The following RC3H2 variants were observed in gnomAD, a reference collection of about 807,000 sequenced individuals.
RC3H2 encodes roquin-2.
RC3H2 carries 31 observed loss-of-function variants against 133.3 expected under a neutral mutation model. The ratio of observed to expected loss-of-function variants is 0.23; its 90% CI spans 0.17 to 0.31. The LOEUF (loss-of-function observed/expected upper bound fraction) is 0.31, where lower values mean the gene tolerates loss of function less well. Ranked by LOEUF, RC3H2 falls within the 10% of genes least tolerant of loss-of-function variation. The probability of loss-of-function intolerance (pLI) is 1.00; values close to 1 mark genes in which losing one functional copy is unlikely to be tolerated. For synonymous variants in RC3H2, 517 were observed against 502.2 expected (o/e 1.03, Z -0.40); for missense variants, 1,175 against 1,437.2 (o/e 0.82, Z 2.95).
chr9:122,896,770 C>T (rs116954343), intron 2 of RC3H2, among the ~76,000 whole-genome samples: 2 of 151,902 alleles, frequency 1.3e-5, no homozygotes, highest in South Asian at 4.2e-4. Context: ...CACCTGTAGT[C>T]CTAGCACCCT....
chr9:122,852,405 T>TGG (rs1404726549), intron 18 of RC3H2, among the ~76,000 whole-genome samples: 1 of 132,040 alleles, frequency 7.6e-6, no homozygotes. Flanking sequence ...GGGAGGGAGG[T>TGG]GGGGGGGTCA....
intron 1 of RC3H2, among the ~76,000 whole-genome samples, chr9:122,902,425 T>C (rs1200275659): frequency 6.6e-6 from 1 of 152,196 alleles, no homozygotes; most frequent in African/African-American, 2.4e-5. Context: ...TTTTTATACA[T>C]CTACTTTTAT....
In RC3H2 at chr9:122,849,720, A is replaced by G; in HGVS notation, c.3483T>C (p.Ser1161=). The G allele has an allele frequency of 1.9e-6, 3 of 1,611,660 alleles. No individual in the cohort carries two copies. Among genetic ancestry groups the G allele is most frequent in the Non-Finnish European group, 2.5e-6 (3 of 1,178,938 alleles). Residue 1161 remains serine, a synonymous_variant, in exon 21 of 21, where the codon AGT becomes AGC. Coordinates refer to ENST00000357244, the MANE Select transcript of RC3H2 (RefSeq NM_001100588.3). ...ASCLPITTSV[S]AGNLILKTHV... The stretch of plus-strand genomic sequence containing the variant: ...GAGTTTTCAGAATGAGGTTGCCAGC[A>G]CTGACAGATGTGGTGATGGGGAGGC...
intron 4 of RC3H2, among the ~76,000 whole-genome samples, chr9:122,885,100 T>C (rs184269810): frequency 1.1e-4 from 16 of 152,244 alleles, no homozygotes; most frequent in Non-Finnish European, 2.4e-4. Flanking sequence ...TAGTACTGTA[T>C]TGTATCATTA....
chr9:122,852,945 G>C (rs1011409058), intron 18 of RC3H2, among the ~76,000 whole-genome samples: 22 of 152,348 alleles, frequency 1.4e-4, no homozygotes, highest in Middle Eastern at 3.4e-3. Context: ...AGAAAGGGGG[G>C]AAAGGTGGGG....
At chr9:122,896,364 C>A (rs941484215) in intron 2 of RC3H2, among the ~76,000 whole-genome samples, 5 of 151,966 alleles carry the variant, frequency 3.3e-5, no homozygotes, top group South Asian at 2.1e-4. Context: ...ACAACAACAA[C>A]AAAAAAACCT....
At chr9:122,851,708 G>A (rs866130397) in intron 18 of RC3H2, 19 of 383,742 alleles carry the variant, frequency 5.0e-5, no homozygotes, top group African/African-American at 1.5e-4. Flanking sequence ...TGTGATGGCC[G>A]GGCTGGTCTC....
chr9:122,894,640 G>A (rs1230264482), intron 2 of RC3H2, among the ~76,000 whole-genome samples: 1 of 152,204 alleles, frequency 6.6e-6, no homozygotes, highest in African/African-American at 2.4e-5. Context: ...AGCACTTTGG[G>A]AGGCCAAGGT....
At position 122,859,080 on chromosome 9, in the gene RC3H2, C is replaced by G; in HGVS notation, c.1872G>C (p.Thr624=). The G allele has an allele frequency of 1.3e-6, 2 of 1,583,144 alleles. No homozygotes were observed. The highest frequency in any genetic ancestry group is 1.7e-6 in the Non-Finnish European group (2 of 1,161,960). ...CACAGGGAGCCACACCAGCTGGTACCGTTGGAGGTGGTGGATAGTATCCTT... is the reference window on the plus strand; with the variant it reads ...CACAGGGAGCCACACCAGCTGGTACGGTTGGAGGTGGTGGATAGTATCCTT... ...PQTGYYPPPP[T]VPAGVAPCVP... Residue 624 remains threonine (T), a synonymous_variant, in exon 12 of 21, where the codon ACG becomes ACC. Coordinates refer to ENST00000357244, the MANE Select transcript of RC3H2 (RefSeq NM_001100588.3).
chr9:122,852,295 G>A (rs1445140429), intron 18 of RC3H2, among the ~76,000 whole-genome samples: 4 of 150,100 alleles, frequency 2.7e-5, no homozygotes, highest in South Asian at 4.2e-4. Flanking sequence ...GAGCCTCTCC[G>A]CCCGGCAGCC....
intron 8 of RC3H2, among the ~76,000 whole-genome samples, chr9:122,878,398 G>A (rs560129598): frequency 8.2e-4 from 125 of 151,916 alleles, no homozygotes; most frequent in African/African-American, 2.8e-3. Context: ...GAGCTCCCAA[G>A]TAGCTGGGAC....
intron 18 of RC3H2, among the ~76,000 whole-genome samples, chr9:122,852,549 C>G (rs1352065624): frequency 2.2e-4 from 32 of 143,442 alleles, no homozygotes; most frequent in African/African-American, 8.0e-4. Flanking sequence ...GTCAGCCCCC[C>G]GCCCGGCCAG....
chr9:122,850,956 T>G (rs1052939926), intron 20 of RC3H2, 125 bp downstream of exon 20: 7 of 1,017,984 alleles, frequency 6.9e-6, no homozygotes, highest in African/African-American at 1.6e-5. Flanking sequence ...AAAATCCAGA[T>G]TGACCAAATC....
In RC3H2 at chr9:122,880,574, G is replaced by C; in HGVS notation, c.960+20C>G. On this transcript the variant is annotated intron_variant, in intron 6 of 20. Coordinates refer to ENST00000357244, the MANE Select transcript of RC3H2 (RefSeq NM_001100588.3). ...ATGTAACAGCAATGATAGAACATCA[G>C]CATCTCTAATTTCACAAACCTTATC... is the stretch of plus-strand genomic sequence containing the variant. The C allele has an allele frequency of 6.4e-7, 1 of 1,567,866 alleles. No homozygotes were observed. Among genetic ancestry groups the C allele is most frequent in the South Asian group, 1.1e-5 (1 of 90,050 alleles).
Position 122,858,870 on chromosome 9 carries a change from C to T in RC3H2, c.2082G>A (p.Val694=). 6.2e-7 allele frequency: 1 copy of T among 1,614,276 alleles called. No homozygotes were observed. Among genetic ancestry groups the T allele is most frequent in the Non-Finnish European group, 8.5e-7 (1 of 1,180,048 alleles). Residue 694 remains valine, a synonymous_variant, in exon 12 of 21, where the codon GTG becomes GTA. Transcript: ENST00000357244. The part of the protein sequence containing the change: ...PPVPSGMYAP[V]YDSRRIWRPP... ...GGCGCCAGATGCGCCTGCTGTCGTA[C>T]ACAGGAGCATACATTCCAGAAGGTA...
rs72753245 is a variant in RC3H2, at chr9:122,899,030, A to G, written c.-67-1454T>C. Among the ~76,000 whole-genome samples, 338 of 151,858 alleles carry G rather than the reference A, an allele frequency of 2.2e-3. 1 individual carries two copies. Among genetic ancestry groups the G allele is most frequent in the Non-Finnish European group, 3.6e-3 (242 of 67,956 alleles). On this transcript the variant is annotated intron_variant, in intron 1 of 20. Transcript: ENST00000357244. ...AGTCACATTCAAAGAGAAAAAATAT[A>G]TAACAGAAAGTATTCTCAATTATGC...
chr9:122,856,540 C>A lies in RC3H2; in HGVS notation c.2455-662G>T, dbSNP rs116796340. Among the ~76,000 whole-genome samples the A allele has an allele frequency of 7.6e-3, 1,164 of 152,258 alleles. 14 individuals are homozygous for A. The highest frequency in any genetic ancestry group is 0.026 in the African/African-American group (1,100 of 41,538). ...AAAGTGCTGGGATTATAGGCATGAG[C>A]CACTACACCAAGCTGAGTTTATAAT... is the stretch of plus-strand genomic sequence containing the variant. On this transcript the variant is annotated intron_variant, in intron 13 of 20. Transcript: ENST00000357244.
At chr9:122,885,837 T>G (rs1831886838) in intron 4 of RC3H2, among the ~76,000 whole-genome samples, 1 of 152,150 alleles carries the variant, frequency 6.6e-6, no homozygotes, top group Admixed American at 6.5e-5. Flanking sequence ...CAACACTAGC[T>G]GGCTGTCTGG....
intron 13 of RC3H2, among the ~76,000 whole-genome samples, chr9:122,857,030 A>C (rs1257564349): frequency 6.6e-6 from 1 of 152,206 alleles, no homozygotes. Flanking sequence ...GCTTTATTGA[A>C]ATATTTATGG....
Sources: gnomAD v4.1 joint callset for allele counts (sites outside exome capture counted in the v4.1 genomes callset) on GRCh38, gnomAD v4.1.1 for gene constraint, MANE v1.5 for transcripts, NCBI Gene and HGNC (gene_info 2026-07-23, HGNC 2026-07-21) for gene names.